PTPRE: variants seen among roughly 807,000 people sequenced by gnomAD.
The protein encoded by PTPRE is receptor-type tyrosine-protein phosphatase epsilon.
PTPRE carries 51 observed loss-of-function variants against 102.0 expected under a neutral mutation model. The ratio of observed to expected loss-of-function variants is 0.50; its 90% confidence interval spans 0.40 to 0.63. The LOEUF (loss-of-function observed/expected upper bound fraction) is 0.63. Among genes scored for constraint, PTPRE ranks in the 30% least tolerant of loss-of-function variants. The pLI is 0.00. For synonymous variants in PTPRE, 345 were observed against 348.2 expected (o/e 0.99, Z 0.10); for missense variants, 752 against 915.1 (o/e 0.82, Z 2.30).
intron 1 of PTPRE, among the ~76,000 whole-genome samples, chr10:127,966,329 T>C (rs1416681188): frequency 6.6e-6 from 1 of 152,186 alleles, no homozygotes; most frequent in East Asian, 1.9e-4. Flanking sequence ...TCTTTTAAAA[T>C]GGGTCAATAG....
intron 2 of PTPRE, among the ~76,000 whole-genome samples, chr10:127,995,958 A>G (rs1411960546): frequency 1.3e-5 from 2 of 152,188 alleles, no homozygotes; most frequent in Admixed American, 6.5e-5. Context: ...TTGAGGGTTC[A>G]GCAAGCCATC....
intron 1 of PTPRE, among the ~76,000 whole-genome samples, chr10:127,980,289 A>G (rs1052183217): frequency 4.0e-5 from 6 of 151,616 alleles, no homozygotes; most frequent in Non-Finnish European, 8.8e-5. Context: ...GGCATTATAT[A>G]GACTATCTTT....
intron 13 of PTPRE, 41 bp downstream of exon 13, chr10:128,069,868 AGCAAACCCGATGCCTTC>A (rs1850614213): frequency 6.2e-7 from 1 of 1,613,734 alleles, no homozygotes; most frequent in African/African-American, 1.3e-5. Flanking sequence ...AGCTTCCCAA[AGCAAACCCGATGCCTTC>A]GCCACACAGG....
At chr10:127,908,271 GAGT>G (rs1298715475) in intron 1 of PTPRE, among the ~76,000 whole-genome samples, 1 of 152,140 alleles carries the variant, frequency 6.6e-6, no homozygotes, top group Non-Finnish European at 1.5e-5. Flanking sequence ...CACCAGCAAA[GAGT>G]GATCACGTGA....
chr10:127,931,577 G>A (rs1847445397), intron 1 of PTPRE, among the ~76,000 whole-genome samples: 2 of 152,094 alleles, frequency 1.3e-5, no homozygotes, highest in African/African-American at 4.8e-5. Flanking sequence ...GCATTCCTAT[G>A]CCCCCTTCCC....
chr10:128,026,630 C>T (rs1846309649), intron 2 of PTPRE, among the ~76,000 whole-genome samples: 1 of 152,232 alleles, frequency 6.6e-6, no homozygotes, highest in Non-Finnish European at 1.5e-5. Flanking sequence ...CACTGGACTT[C>T]TTTGCCAGTC....
Position 128,070,276 on chromosome 10 carries a change from G to T in PTPRE, c.1144-25G>T, listed in dbSNP as rs569683925. 2.5e-6 allele frequency: 4 copies of T among 1,584,306 alleles called. No individual in the cohort carries two copies. The South Asian group carries it at 4.6e-5, about 18-fold the overall frequency. Reference sequence around the variant, plus strand: ...AAGACTGCAGGGCAGAGTTGAGGGTGTGGGCACCCCTGGCCTCTCTGCAGA... The same window carrying T: ...AAGACTGCAGGGCAGAGTTGAGGGTTTGGGCACCCCTGGCCTCTCTGCAGA... On this transcript the variant is annotated intron_variant, in intron 13 of 20. Coordinates refer to ENST00000254667, the MANE Select transcript of PTPRE (RefSeq NM_006504.6). The surrounding 1 kb of genome is among the most constrained non-coding windows in gnomAD (Gnocchi z 4.8).
At chr10:128,077,885 A>T (rs1301176519) in intron 19 of PTPRE, 102 bp downstream of exon 19, 1 of 1,355,522 alleles carries the variant, frequency 7.4e-7, no homozygotes, top group African/African-American at 1.5e-5. Context: ...GCCCCTGGCC[A>T]TGGTATTCCC....
intron 2 of PTPRE, among the ~76,000 whole-genome samples, chr10:128,019,585 C>G (rs568915579): frequency 6.6e-6 from 1 of 152,334 alleles, no homozygotes; most frequent in Admixed American, 6.5e-5. Context: ...GAACCCTGAA[C>G]ACGGGTTTGC....
intron 19 of PTPRE, among the ~76,000 whole-genome samples, chr10:128,078,094 G>A (rs1315949512): frequency 3.9e-5 from 6 of 152,232 alleles, no homozygotes; most frequent in Admixed American, 3.9e-4. Flanking sequence ...TTGCCAGGCA[G>A]GGCTCGGAGG....
chr10:127,963,404 C>T (rs1455016069), intron 1 of PTPRE, among the ~76,000 whole-genome samples: 4 of 152,196 alleles, frequency 2.6e-5, no homozygotes, highest in Non-Finnish European at 5.9e-5. Context: ...ATGTAATTTA[C>T]ATCCTTTGTT....
intron 1 of PTPRE, among the ~76,000 whole-genome samples, chr10:127,924,303 G>A (rs906045213): frequency 1.3e-5 from 2 of 152,148 alleles, no homozygotes; most frequent in African/African-American, 2.4e-5. Context: ...TCGGCTCATT[G>A]CAACCTTCGC....
intron 1 of PTPRE, among the ~76,000 whole-genome samples, chr10:127,912,625 G>A (rs1349624799): frequency 8.5e-5 from 13 of 152,240 alleles, no homozygotes; most frequent in Admixed American, 4.6e-4. Flanking sequence ...AGAATTGATA[G>A]GAAAACTTGT....
chr10:128,027,853 C>T (rs963408997), intron 2 of PTPRE, among the ~76,000 whole-genome samples: 9 of 152,282 alleles, frequency 5.9e-5, no homozygotes, highest in Non-Finnish European at 1.0e-4. Flanking sequence ...GTGCCCCTGA[C>T]GTTTGAGCCC....
chr10:128,013,823 G>A (rs369721669), intron 2 of PTPRE, among the ~76,000 whole-genome samples: 1 of 152,188 alleles, frequency 6.6e-6, no homozygotes, highest in African/African-American at 2.4e-5. Context: ...TGTTTACCCA[G>A]TCTAAGATAT....
At chr10:127,966,464 C>T (rs1438225440) in intron 1 of PTPRE, among the ~76,000 whole-genome samples, 1 of 152,128 alleles carries the variant, frequency 6.6e-6, no homozygotes, top group Non-Finnish European at 1.5e-5. Context: ...TTTATTGAGC[C>T]TGTGATATGT....
At chr10:128,080,016 A>G (rs1189377735) in intron 20 of PTPRE, among the ~76,000 whole-genome samples, 1 of 152,206 alleles carries the variant, frequency 6.6e-6, no homozygotes, top group African/African-American at 2.4e-5. Context: ...TCCTGTGTGC[A>G]CTGAAAAACA....
rs148432093 is a variant in PTPRE, at chr10:127,948,257, G to A, written c.-30-34017G>A. On this transcript the variant is annotated intron_variant, in intron 1 of 20. Transcript: ENST00000254667. ...TGTTTAAGAGAGACTTTATTTTAGG[G>A]CATTTTAAATTCACAGCAAAATTGA... is the stretch of plus-strand genomic sequence containing the variant. 1.1e-3 allele frequency among the ~76,000 whole-genome samples: 169 copies of A among 152,128 alleles called. 1 individual carries two copies. The highest frequency in any genetic ancestry group is 3.7e-3 in the African/African-American group (155 of 41,498).
intron 1 of PTPRE, among the ~76,000 whole-genome samples, chr10:127,933,539 C>G (rs11813895): frequency 6.6e-6 from 1 of 152,126 alleles, no homozygotes; most frequent in Non-Finnish European, 1.5e-5. Flanking sequence ...TTAAACTCTG[C>G]GAGAATTCTG....
Sources: gnomAD v4.1 joint callset for allele counts (sites outside exome capture counted in the v4.1 genomes callset) on GRCh38, gnomAD v4.1.1 for gene constraint, Gnocchi (gnomAD v3.1) non-coding constraint, MANE v1.5 for transcripts, NCBI Gene and HGNC (gene_info 2026-07-23, HGNC 2026-07-21) for gene names.